The following STOX1 variants were observed in gnomAD, a reference collection of about 807,000 sequenced individuals.
STOX1 encodes storkhead-box protein 1.
STOX1 carries 57 observed loss-of-function variants against 74.8 expected under a neutral mutation model. That is an observed-to-expected ratio of 0.76 (90% CI 0.62 to 0.95). The LOEUF is 0.95. Among genes scored for constraint, STOX1 ranks in the 40% least tolerant of loss-of-function variants. The pLI is 0.00. For synonymous variants in STOX1, 375 were observed against 401.3 expected, an observed-to-expected ratio of 0.93 and a Z score of 0.78; for missense variants, 1,010 against 1,117.0, an observed-to-expected ratio of 0.90 and a Z score of 1.37.
chr10:68,886,517 A>C lies in STOX1; in HGVS notation c.2721A>C (p.Ser907=). 6.2e-7 allele frequency: 1 copy of C among 1,614,126 alleles called. No individual in the cohort carries two copies. The highest frequency in any genetic ancestry group is 8.5e-7 in the Non-Finnish European group (1 of 1,179,984). ...AAAAGTTCCAACTTTTCAACACTTC[A>C]CATATGCCAGTGTTGGCTCAGGATG... ...FPQKFQLFNT[S]HMPVLAQDVQ... Residue 907 remains serine, a synonymous_variant, in exon 3 of 4, where the codon TCA becomes TCC. Transcript: ENST00000298596.
chr10:68,847,759 C>T (rs915673906), intron 1 of STOX1, among the ~76,000 whole-genome samples: 1 of 145,774 alleles, frequency 6.9e-6, no homozygotes, highest in Non-Finnish European at 1.5e-5. Context: ...GACGGAGTTT[C>T]GCTCTTGTTG....
chr10:68,889,704 C>T (rs1841052885), intron 3 of STOX1, among the ~76,000 whole-genome samples: 1 of 152,164 alleles, frequency 6.6e-6, no homozygotes, highest in South Asian at 2.1e-4. Flanking sequence ...GCTGGGATTA[C>T]AGGCACACAC....
intron 1 of STOX1, among the ~76,000 whole-genome samples, chr10:68,880,419 T>C (rs936796449): frequency 7.9e-5 from 12 of 152,158 alleles, no homozygotes; most frequent in Non-Finnish European, 1.2e-4. Flanking sequence ...TGGCCTCAAG[T>C]GATCTCCCTA....
chr10:68,832,427 C>A (rs547053118), intron 1 of STOX1, among the ~76,000 whole-genome samples: 24 of 152,240 alleles, frequency 1.6e-4, no homozygotes, highest in Non-Finnish European at 2.2e-4. Flanking sequence ...AATCCCAGCA[C>A]TTTGGGTGGC....
At chr10:68,845,199 G>T (rs1218124347) in intron 1 of STOX1, among the ~76,000 whole-genome samples, 1 of 151,634 alleles carries the variant, frequency 6.6e-6, no homozygotes, top group Non-Finnish European at 1.5e-5. Context: ...ACCTCCCAAG[G>T]CTCAGGTGAT....
intron 1 of STOX1, among the ~76,000 whole-genome samples, chr10:68,876,674 G>A (rs1294884948): frequency 6.6e-6 from 1 of 152,094 alleles, no homozygotes; most frequent in Non-Finnish European, 1.5e-5. Flanking sequence ...AACAGAGAAC[G>A]CTGTTGTCAA....
intron 1 of STOX1, among the ~76,000 whole-genome samples, chr10:68,847,719 G>A (rs940892944): frequency 1.4e-5 from 2 of 146,612 alleles, no homozygotes; most frequent in African/African-American, 5.0e-5. Flanking sequence ...GAAGGTAGAA[G>A]TTTTTTTTTT....
chr10:68,861,296 A>G (rs868212925), intron 1 of STOX1, among the ~76,000 whole-genome samples: 1 of 152,168 alleles, frequency 6.6e-6, no homozygotes, highest in Non-Finnish European at 1.5e-5. Flanking sequence ...AACTAAAAGT[A>G]TTCTTCAGAA....
chr10:68,889,419 A>C (rs1308720149), intron 3 of STOX1, among the ~76,000 whole-genome samples: 3 of 151,880 alleles, frequency 2.0e-5, no homozygotes, highest in African/African-American at 7.3e-5. Context: ...TTGGCCTCCC[A>C]GTTGTGGGAT....
chr10:68,830,666 T>C (rs940094907), intron 1 of STOX1, among the ~76,000 whole-genome samples: 13 of 152,134 alleles, frequency 8.5e-5, no homozygotes, highest in African/African-American at 3.1e-4. Context: ...ATAATATTTT[T>C]ATTCCTTTTT....
At chr10:68,847,852 CTCCCAAGTAGCTGGGAT>C (rs975345680) in intron 1 of STOX1, among the ~76,000 whole-genome samples, 1 of 152,114 alleles carries the variant, frequency 6.6e-6, no homozygotes, top group African/African-American at 2.4e-5. Context: ...CTGCCTCAGC[CTCCCAAGTAGCTGGGAT>C]TACAGGCATG....
chr10:68,830,926 A>G lies in STOX1; in HGVS notation c.310+2993A>G, dbSNP rs114151454. Reference sequence around the variant, plus strand: ...GGTCCCTAGGTTCATATCAAAAGAGAAGAGGCAGCTCTTGGGCTACCTTAG... The same window carrying G: ...GGTCCCTAGGTTCATATCAAAAGAGGAGAGGCAGCTCTTGGGCTACCTTAG... On this transcript the variant is annotated intron_variant, in intron 1 of 3. Transcript: ENST00000298596. 3.6e-3 allele frequency among the ~76,000 whole-genome samples: 547 copies of G among 152,230 alleles called. 2 individuals carry two copies. Among genetic ancestry groups the G allele is most frequent in the African/African-American group, 0.013 (525 of 41,532 alleles).
At chr10:68,840,541 G>A (rs1839666100) in intron 1 of STOX1, among the ~76,000 whole-genome samples, 1 of 105,932 alleles carries the variant, frequency 9.4e-6, no homozygotes, top group Admixed American at 1.1e-4. Context: ...ATTAACAGTG[G>A]TTATTTTGTT....
chr10:68,848,348 C>A (rs1839903644), intron 1 of STOX1, among the ~76,000 whole-genome samples: 1 of 152,194 alleles, frequency 6.6e-6, no homozygotes, highest in South Asian at 2.1e-4. Flanking sequence ...CTGTACTACT[C>A]CCTGCCACCT....
At position 68,886,612 on chromosome 10, in the gene STOX1, C is replaced by A. The variant is rs778097501; in HGVS notation, c.2816C>A (p.Ser939Tyr). 6.2e-7 allele frequency: 1 copy of A among 1,613,884 alleles called. No homozygotes were observed. Among genetic ancestry groups the A allele is most frequent in the Non-Finnish European group, 8.5e-7 (1 of 1,179,912 alleles). Residue 939 changes from serine to tyrosine, a missense_variant, in exon 3 of 4, where the codon TCT becomes TAT. Transcript: ENST00000298596. ...ATGGCAGGAGATAGTGGAATAGATT[C>A]TCCACGGTAGGTCCATACAAAAGTG... Reference protein sequence around the residue: ...HSMAGDSGIDSPRTQSLGSNN... With the variant: ...HSMAGDSGIDYPRTQSLGSNN...
At chr10:68,876,770 T>C (rs1225954691) in intron 1 of STOX1, among the ~76,000 whole-genome samples, 1 of 152,196 alleles carries the variant, frequency 6.6e-6, no homozygotes, top group Admixed American at 6.5e-5. Flanking sequence ...TGGCCTCGAC[T>C]GAAGAGTGCT....
intron 1 of STOX1, among the ~76,000 whole-genome samples, chr10:68,879,085 C>T (rs1044628367): frequency 2.0e-5 from 3 of 152,152 alleles, no homozygotes; most frequent in Admixed American, 2.0e-4. Flanking sequence ...CTCATATGCA[C>T]ATTAAAGTTT....
rs866489042 is a variant in STOX1, at chr10:68,885,054, G to A, written c.1258G>A (p.Ala420Thr). 1 of 1,614,138 alleles carries A rather than the reference G, an allele frequency of 6.2e-7. No homozygotes were observed. The highest frequency in any genetic ancestry group is 8.5e-7 in the Non-Finnish European group (1 of 1,180,024). ...EGVKKRQGLS[A>T]KPQGQGHSRR... ...GGTTAAGAAAAGGCAGGGTCTGTCTGCAAAACCTCAAGGGCAGGGCCATTC... is the reference window on the plus strand; with the variant it reads ...GGTTAAGAAAAGGCAGGGTCTGTCTACAAAACCTCAAGGGCAGGGCCATTC... Residue 420 changes from alanine to threonine, a missense_variant, in exon 3 of 4, where the codon GCA becomes ACA. Transcript: ENST00000298596.
chr10:68,867,654 A>T (rs534801632), intron 1 of STOX1, among the ~76,000 whole-genome samples: 2 of 152,182 alleles, frequency 1.3e-5, no homozygotes, highest in African/African-American at 2.4e-5. Context: ...CTTCCGCAAC[A>T]TTATCACACT....
Sources: allele counts gnomAD v4.1 joint callset (sites outside exome capture counted in the v4.1 genomes callset), GRCh38; gene constraint gnomAD v4.1.1; transcripts MANE v1.5; gene names NCBI Gene and HGNC (gene_info 2026-07-23, HGNC 2026-07-21).